NCKAP5: variants seen among roughly 807,000 people sequenced by gnomAD.
The protein encoded by NCKAP5 is NCK associated protein 5, also known as nck-associated protein 5.
In NCKAP5, 92 loss-of-function variants were observed where a neutral mutation model predicts 167.0. The observed-to-expected ratio is 0.55, with a 90% CI of 0.47 to 0.66. The LOEUF is 0.66. NCKAP5 is among the 30% of genes least tolerant of loss of function. NCKAP5 has a pLI of 0.00. For missense variants in NCKAP5, 2,378 were observed against 2,315.0 expected (o/e 1.03, Z -0.56); for synonymous variants, 891 against 877.4 (o/e 1.02, Z -0.27).
chr2:132,997,562 T>C (rs1409844613), intron 6 of NCKAP5, among the ~76,000 whole-genome samples: 1 of 152,192 alleles, frequency 6.6e-6, no homozygotes, highest in African/African-American at 2.4e-5. Flanking sequence ...GGTTAGATGG[T>C]TTGCTTAAGA....
intron 8 of NCKAP5, among the ~76,000 whole-genome samples, chr2:132,896,407 C>T (rs1198494015): frequency 1.3e-5 from 2 of 152,182 alleles, no homozygotes; most frequent in Admixed American, 6.5e-5. Flanking sequence ...TTGTTCCTCT[C>T]CTTCTAGCTT....
At chr2:133,642,459 C>G in the NCKAP5 span, among the ~76,000 whole-genome samples, 1 of 152,184 alleles carries the variant, frequency 6.6e-6, no homozygotes, top group African/African-American at 2.4e-5. Context: ...TTGGCAGTCT[C>G]TACCTGTTTT....
At chr2:133,593,029 G>A in the NCKAP5 span, among the ~76,000 whole-genome samples, 4 of 152,288 alleles carry the variant, frequency 2.6e-5, no homozygotes, top group South Asian at 4.1e-4. Context: ...TGAGAACCAT[G>A]AGCATTCCTG....
chr2:133,522,583 C>T (rs896903707), intron 2 of NCKAP5, among the ~76,000 whole-genome samples: 4 of 152,180 alleles, frequency 2.6e-5, no homozygotes, highest in African/African-American at 9.7e-5. Flanking sequence ...ATGCATAGCA[C>T]ATGAAGAACA....
At chr2:133,260,765 G>GAA (rs1317717221) in intron 4 of NCKAP5, among the ~76,000 whole-genome samples, 5 of 152,156 alleles carry the variant, frequency 3.3e-5, no homozygotes, top group Non-Finnish European at 7.4e-5. Context: ...AACAAAAGTA[G>GAA]AACAGTCTGG....
At chr2:133,147,231 A>G (rs2083230660) in intron 5 of NCKAP5, among the ~76,000 whole-genome samples, 3 of 152,150 alleles carry the variant, frequency 2.0e-5, no homozygotes, top group South Asian at 2.1e-4. Flanking sequence ...ATTAATACCT[A>G]CTAAGCACAG....
chr2:133,029,529 A>G (rs2078811599), intron 6 of NCKAP5, among the ~76,000 whole-genome samples: 1 of 152,238 alleles, frequency 6.6e-6, no homozygotes, highest in South Asian at 2.1e-4. Flanking sequence ...GATCCAATCT[A>G]GCTTGTATAA....
chr2:133,591,034 G>A, the NCKAP5 span, among the ~76,000 whole-genome samples: 1 of 152,252 alleles, frequency 6.6e-6, no homozygotes, highest in African/African-American at 2.4e-5. Flanking sequence ...GTATATGAGT[G>A]TGTGTGAGTG....
intron 6 of NCKAP5, among the ~76,000 whole-genome samples, chr2:133,081,242 A>G (rs2080795649): frequency 6.6e-6 from 1 of 152,204 alleles, no homozygotes; most frequent in Non-Finnish European, 1.5e-5. Context: ...AGTGCATATT[A>G]TCTTTCATCT....
chr2:132,761,425 G>A (rs1464842888), intron 16 of NCKAP5, among the ~76,000 whole-genome samples: 3 of 152,238 alleles, frequency 2.0e-5, no homozygotes, highest in Non-Finnish European at 2.9e-5. Context: ...AGAGACTAGC[G>A]CATGCCCCAT....
At chr2:133,082,732 G>A (rs1219755209) in intron 6 of NCKAP5, among the ~76,000 whole-genome samples, 2 of 152,122 alleles carry the variant, frequency 1.3e-5, no homozygotes, top group East Asian at 3.9e-4. Context: ...GGTTTTGGAA[G>A]TTGAAATGTT....
intron 9 of NCKAP5, among the ~76,000 whole-genome samples, chr2:132,878,162 G>T (rs1431838650): frequency 6.6e-6 from 1 of 152,192 alleles, no homozygotes; most frequent in Admixed American, 6.5e-5. Flanking sequence ...GGGGGAGGAC[G>T]AGGGCTCTGA....
At chr2:133,313,649 GT>G (rs892593846) in intron 3 of NCKAP5, among the ~76,000 whole-genome samples, 98 of 145,574 alleles carry the variant, frequency 6.7e-4, no homozygotes, top group African/African-American at 2.4e-3. Flanking sequence ...TTTTGTTTTT[GT>G]TTTTTTTTTC....
At chr2:132,686,769 C>T (rs1183839516) in intron 19 of NCKAP5, among the ~76,000 whole-genome samples, 1 of 152,134 alleles carries the variant, frequency 6.6e-6, no homozygotes, top group East Asian at 1.9e-4. Context: ...TAGTTAATGT[C>T]TAATCACCCA....
intron 12 of NCKAP5, among the ~76,000 whole-genome samples, chr2:132,795,835 A>C (rs1189328977): frequency 9.2e-5 from 13 of 141,054 alleles, no homozygotes; most frequent in African/African-American, 3.6e-4. Context: ...AAAAAAAAAA[A>C]AAACAAAAAA....
chr2:133,023,473 TA>T (rs1237284893), intron 6 of NCKAP5, among the ~76,000 whole-genome samples: 1 of 152,224 alleles, frequency 6.6e-6, no homozygotes, highest in Non-Finnish European at 1.5e-5. Flanking sequence ...ATTTTAGATT[TA>T]GGGGGTACAT....
At chr2:133,293,112 C>T (rs1357700293) in intron 4 of NCKAP5, among the ~76,000 whole-genome samples, 3 of 152,112 alleles carry the variant, frequency 2.0e-5, no homozygotes, top group African/African-American at 7.2e-5. Flanking sequence ...TATAGAACCC[C>T]CTCCATCCCT....
chr2:133,175,121 CT>C (rs149577574), intron 5 of NCKAP5, among the ~76,000 whole-genome samples: 8,233 of 152,060 alleles, frequency 0.054, 358 homozygotes, highest in Non-Finnish European at 0.077. Context: ...AACTACTGAA[CT>C]TTTTTTTCAT....
chr2:133,663,283 A>C, the NCKAP5 span, among the ~76,000 whole-genome samples: 1 of 152,092 alleles, frequency 6.6e-6, no homozygotes, highest in African/African-American at 2.4e-5. Context: ...AAAAAAAAAA[A>C]AAAAAAAAAT....
Sources: gnomAD v4.1 joint callset for allele counts (sites outside exome capture counted in the v4.1 genomes callset) on GRCh38, gnomAD v4.1.1 for gene constraint, MANE v1.5 for transcripts, NCBI Gene and HGNC (gene_info 2026-07-23, HGNC 2026-07-21) for gene names.